DENND4A: variants seen among roughly 807,000 people sequenced by gnomAD.
The protein encoded by DENND4A is C-myc promoter-binding protein.
A neutral mutation model predicts 199.3 loss-of-function variants in DENND4A; 70 were observed. That is an observed-to-expected ratio of 0.35 (90% CI 0.29 to 0.43). DENND4A has a LOEUF of 0.43. DENND4A is among the 20% of genes least tolerant of loss of function. The probability of loss-of-function intolerance (pLI) is 1.00; values close to 1 mark genes in which losing one functional copy is unlikely to be tolerated. For synonymous variants in DENND4A, 686 were observed against 766.9 expected (o/e 0.89, Z 1.74); for missense variants, 1,723 against 2,255.8 (o/e 0.76, Z 4.78).
chr15:65,704,653 C>T lies in DENND4A; in HGVS notation c.2087+1438G>A, dbSNP rs1340810462. 2.0e-5 allele frequency among the ~76,000 whole-genome samples: 3 copies of T among 152,144 alleles called. No individual in the cohort carries two copies. The East Asian group carries it at 5.8e-4, about 29-fold the overall frequency. On this transcript the variant is annotated intron_variant, in intron 15 of 32. Transcript: ENST00000443035. The stretch of plus-strand genomic sequence containing the variant: ...TCACGCAGGCTGGAGTGCAGTGGCA[C>T]GATCTCGGCTCACTGCAACCTCCAC...
chr15:65,704,087 G>A (rs1380452548), intron 15 of DENND4A, among the ~76,000 whole-genome samples: 1 of 152,038 alleles, frequency 6.6e-6, no homozygotes, highest in Non-Finnish European at 1.5e-5. Context: ...ATGTTGAGTA[G>A]GAAACAGCAA....
At chr15:65,685,330 G>A (rs1037543983) in intron 23 of DENND4A, among the ~76,000 whole-genome samples, 1 of 152,100 alleles carries the variant, frequency 6.6e-6, no homozygotes, top group Non-Finnish European at 1.5e-5. Context: ...GTTTCACTGT[G>A]TTAGCCAGGA....
In DENND4A at chr15:65,756,113, C is replaced by T. The variant is rs150747198; in HGVS notation, c.311+27G>A. On this transcript the variant is annotated intron_variant, in intron 3 of 32. Coordinates refer to ENST00000443035, the MANE Select transcript of DENND4A (RefSeq NM_001320835.1). Reference sequence around the variant, plus strand: ...CAAGGCATATTATTTGGATCAATAACAGTAAGTCGTTTAAAAAAATACTTA... The same window carrying T: ...CAAGGCATATTATTTGGATCAATAATAGTAAGTCGTTTAAAAAAATACTTA... 48 of 1,549,516 alleles carry T rather than the reference C, an allele frequency of 3.1e-5. No individual in the cohort carries two copies. In the East Asian group the frequency reaches 1.1e-3, roughly 35 times the overall value.
chr15:65,775,637 CAAAAAAAAAAA>C (rs59714693), intron 1 of DENND4A, among the ~76,000 whole-genome samples: 1 of 27,680 alleles, frequency 3.6e-5, no homozygotes, highest in South Asian at 1.7e-3. Context: ...CAAGACTCCT[CAAAAAAAAAAA>C]AAAAAAAAAA....
chr15:65,661,999 G>C lies in DENND4A; in HGVS notation c.5588-12C>G. On this transcript the variant is annotated splice_polypyrimidine_tract_variant and intron_variant, in intron 32 of 32. Coordinates refer to ENST00000443035, the MANE Select transcript of DENND4A (RefSeq NM_001320835.1). ...TTTATCAAAAGCATCTGCAGAAATT[G>C]ATAAAGAAATAAAAGAATAAAGAAA... The C allele has an allele frequency of 6.3e-7, 1 of 1,597,836 alleles. No homozygotes were observed. The highest frequency in any genetic ancestry group is 8.5e-7 in the Non-Finnish European group (1 of 1,173,368).
At chr15:65,780,811 A>G (rs1567106965) in intron 1 of DENND4A, among the ~76,000 whole-genome samples, 1 of 152,246 alleles carries the variant, frequency 6.6e-6, no homozygotes, top group Admixed American at 6.5e-5. Context: ...TGAGGTACAC[A>G]GAGTTAACAC....
At chr15:65,670,594 G>A (rs1332448304) in intron 25 of DENND4A, among the ~76,000 whole-genome samples, 1 of 152,200 alleles carries the variant, frequency 6.6e-6, no homozygotes, top group Non-Finnish European at 1.5e-5. Context: ...ATAAGAAATT[G>A]AGAGGAGGAT....
chr15:65,680,568 A>G (rs2076538031), intron 23 of DENND4A: 1 of 152,218 alleles, frequency 6.6e-6, no homozygotes, highest in Non-Finnish European at 1.5e-5. Context: ...TATAAAAAAG[A>G]ATGATTTTAC....
rs777049765 is a variant in DENND4A, at chr15:65,715,488, C to T, written c.1943G>A (p.Cys648Tyr). 2 of 1,609,818 alleles carry T rather than the reference C, an allele frequency of 1.2e-6. No individual in the cohort carries two copies. The highest frequency in any genetic ancestry group is 1.7e-6 in the Non-Finnish European group (2 of 1,179,060). ...KDASLAFFDD[C>Y]VDKVDMDKSG... The stretch of plus-strand genomic sequence containing the variant: ...TGTACTGTTACTTACTTTATCTACA[C>T]AATCATCAAAAAATGCCAGGCTTGC... The change falls in exon 14 of 33, where the codon TGT becomes TAT. Residue 648 changes from cysteine to tyrosine, a missense_variant. Physicochemically the swap from Cys to Tyr is radical, Grantham distance 194 (BLOSUM62 -2). Around this residue, in one of 6 missense-constraint regions of DENND4A, gnomAD observed 725 missense variants for 952.9 expected, o/e 0.76. Transcript: ENST00000443035.
chr15:65,667,792 T>C (rs2076089582), intron 28 of DENND4A, 89 bp from the exon 29 acceptor site: 3 of 1,498,074 alleles, frequency 2.0e-6, no homozygotes, highest in East Asian at 2.3e-5. Context: ...AGTAGAAAAG[T>C]AATATAATTG....
At chr15:65,779,219 G>C (rs1200152412) in intron 1 of DENND4A, among the ~76,000 whole-genome samples, 1 of 152,128 alleles carries the variant, frequency 6.6e-6, no homozygotes, top group African/African-American at 2.4e-5. Flanking sequence ...ACTTTGGGAG[G>C]CCGAGGCGCG....
intron 2 of DENND4A, among the ~76,000 whole-genome samples, chr15:65,758,381 A>G (rs1366582107): frequency 1.3e-5 from 2 of 152,178 alleles, no homozygotes; most frequent in Admixed American, 6.5e-5. Flanking sequence ...TAGTGCAAAC[A>G]TGGCTCACTG....
At chr15:65,715,234 A>C in intron 14 of DENND4A, 1 of 323,806 alleles carries the variant, frequency 3.1e-6, no homozygotes, top group Non-Finnish European at 5.6e-6. Flanking sequence ...AGGGAGGGTT[A>C]GGACTTGATT....
intron 10 of DENND4A, 77 bp from the exon 11 acceptor site, chr15:65,729,324 G>A (rs1240792725): frequency 6.8e-6 from 10 of 1,463,440 alleles, no homozygotes; most frequent in Middle Eastern, 1.7e-4. Context: ...ACAAAAAACT[G>A]TCTTTTAAGT....
At chr15:65,757,637 A>C in intron 2 of DENND4A, among the ~76,000 whole-genome samples, 1 of 152,158 alleles carries the variant, frequency 6.6e-6, no homozygotes, top group East Asian at 1.9e-4. Context: ...TTTGTACTTA[A>C]ACCATATGGA....
In DENND4A at chr15:65,685,691, T is replaced by C. The variant is rs570729283; in HGVS notation, c.4179+4724A>G. Among the ~76,000 whole-genome samples the C allele has an allele frequency of 3.8e-4, 58 of 152,230 alleles. No individual in the cohort carries two copies. In the South Asian group the frequency reaches 0.011, roughly 29 times the overall value. ...TGTAATATTTTCAATCTGTGGTTGG[T>C]TGAATCCATGGAAGCAGAACTTGCA... On this transcript the variant is annotated intron_variant, in intron 23 of 32. Transcript: ENST00000443035.
At chr15:65,768,300 AGC>A (rs2077036706) in intron 1 of DENND4A, among the ~76,000 whole-genome samples, 1 of 152,146 alleles carries the variant, frequency 6.6e-6, no homozygotes, top group African/African-American at 2.4e-5. Flanking sequence ...AACAAGCATG[AGC>A]TACTGCACCT....
Position 65,660,361 on chromosome 15 carries a change from G to C in DENND4A, c.*1490C>G, listed in dbSNP as rs1408098343. 9 of 1,481,584 alleles carry C rather than the reference G, an allele frequency of 6.1e-6. No individual in the cohort carries two copies. Among genetic ancestry groups the C allele is most frequent in the Non-Finnish European group, 8.2e-6 (9 of 1,098,202 alleles). 91.8% of individuals were successfully genotyped at this position (1,481,584 alleles called of 1,614,324 possible). On this transcript the variant is annotated 3_prime_UTR_variant, in exon 33 of 33. Transcript: ENST00000443035. The stretch of plus-strand genomic sequence containing the variant: ...AAGGTGGGTTTTCTGCAGCTGAACT[G>C]ATTCTAAGTCTCAGGACTCCAAGAT...
At chr15:65,757,509 A>G (rs1250869805) in intron 2 of DENND4A, among the ~76,000 whole-genome samples, 1 of 152,152 alleles carries the variant, frequency 6.6e-6, no homozygotes, top group Non-Finnish European at 1.5e-5. Flanking sequence ...CCAGCCAAAG[A>G]GTGGTTTTAA....
Sources: gnomAD v4.1 joint callset for allele counts (sites outside exome capture counted in the v4.1 genomes callset) on GRCh38, gnomAD v4.1.1 for gene constraint, gnomAD v4.1.1 regional missense constraint, MANE v1.5 for transcripts, NCBI Gene and HGNC (gene_info 2026-07-23, HGNC 2026-07-21) for gene names.